CACNA1C: variants seen among roughly 807,000 people sequenced by gnomAD.
The protein encoded by CACNA1C is voltage-dependent L-type calcium channel subunit alpha-1C.
A neutral mutation model predicts 229.0 loss-of-function variants in CACNA1C; 30 were observed. The observed-to-expected ratio is 0.13, with a 90% CI of 0.10 to 0.18. CACNA1C has a LOEUF of 0.18. Ranked by LOEUF, CACNA1C falls within the 10% of genes least tolerant of loss-of-function variation. The pLI is 1.00. For synonymous variants in CACNA1C, 1,114 were observed against 1,132.5 expected, an observed-to-expected ratio of 0.98 and a Z score of 0.33; for missense variants, 1,658 against 2,845.0, an observed-to-expected ratio of 0.58 and a Z score of 9.49.
At chr12:2,094,481 A>G (rs893428616) in intron 1 of CACNA1C, among the ~76,000 whole-genome samples, 2 of 152,124 alleles carry the variant, frequency 1.3e-5, no homozygotes, top group Non-Finnish European at 2.9e-5. Flanking sequence ...TGGGAAGCCT[A>G]TTTCTTTGGC....
At position 2,410,051 on chromosome 12, in the gene CACNA1C, C is replaced by T. The variant is rs994018955; in HGVS notation, c.478-38925C>T. Among the ~76,000 whole-genome samples, 1 of 152,186 alleles carries T rather than the reference C, an allele frequency of 6.6e-6. No homozygotes were observed. On this transcript the variant is annotated intron_variant, in intron 3 of 46. Transcript: ENST00000399655. The surrounding 1 kb of genome is among the most constrained non-coding windows in gnomAD (Gnocchi z 5.3). ...TTCGCTCGGGGTGGGAATGAATCAT[C>T]CTCACCTGCCAGCCGCGGGCCTCAG...
intron 15 of CACNA1C, 31 bp downstream of exon 15, chr12:2,582,973 GGCCCCCA>G (rs769996350): frequency 3.9e-4 from 587 of 1,491,352 alleles, no homozygotes; most frequent in Non-Finnish European, 4.9e-4. Flanking sequence ...CCACCCCTGC[GGCCCCCA>G]GCCCCCAGCC....
intron 3 of CACNA1C, among the ~76,000 whole-genome samples, chr12:2,177,178 C>T (rs913757404): frequency 2.0e-5 from 3 of 152,176 alleles, no homozygotes; most frequent in Admixed American, 6.5e-5. Context: ...CTGTAACTCT[C>T]TCCTATCAAA....
chr12:2,531,398 G>A (rs1440684940), intron 9 of CACNA1C, among the ~76,000 whole-genome samples: 1 of 152,184 alleles, frequency 6.6e-6, no homozygotes, highest in Non-Finnish European at 1.5e-5. Flanking sequence ...AACTGGCCCT[G>A]TAACCTAAAC....
intron 5 of CACNA1C, among the ~76,000 whole-genome samples, chr12:2,460,985 C>T (rs2099497406): frequency 6.6e-6 from 1 of 152,224 alleles, no homozygotes; most frequent in Non-Finnish European, 1.5e-5. Context: ...TCAGCAGTAT[C>T]TCCCCTGACT....
chr12:2,214,345 G>T (rs933315773), intron 3 of CACNA1C, among the ~76,000 whole-genome samples: 5 of 152,136 alleles, frequency 3.3e-5, no homozygotes, highest in African/African-American at 7.2e-5. Flanking sequence ...TTGTAAATAA[G>T]GATAGTAATA....
At chr12:1,972,669 A>G (rs1331048274) in intron 1 of CACNA1C, among the ~76,000 whole-genome samples, 1 of 152,182 alleles carries the variant, frequency 6.6e-6, no homozygotes, top group Admixed American at 6.5e-5. Context: ...CAGCCTTTCA[A>G]ATGAAATACA....
At chr12:2,021,381 TAAAG>T (rs2046415461) in intron 1 of CACNA1C, among the ~76,000 whole-genome samples, 1 of 152,138 alleles carries the variant, frequency 6.6e-6, no homozygotes, top group African/African-American at 2.4e-5. Context: ...GGGTAATTTA[TAAAG>T]ACACTCATTT....
intron 1 of CACNA1C, among the ~76,000 whole-genome samples, chr12:1,977,371 T>G (rs2154461850): frequency 6.6e-6 from 1 of 152,296 alleles, no homozygotes; most frequent in East Asian, 1.9e-4. Flanking sequence ...CAGGAAGACA[T>G]TTTGGAAAGC....
chr12:2,295,603 T>C (rs1276376546), intron 3 of CACNA1C, among the ~76,000 whole-genome samples: 1 of 152,222 alleles, frequency 6.6e-6, no homozygotes, highest in African/African-American at 2.4e-5. Flanking sequence ...GCCAAATAAA[T>C]GCTAAGTAGT....
intron 3 of CACNA1C, among the ~76,000 whole-genome samples, chr12:2,125,201 T>C (rs1260773418): frequency 6.6e-6 from 1 of 152,084 alleles, no homozygotes; most frequent in African/African-American, 2.4e-5. Flanking sequence ...GAGTTTAAGA[T>C]ATTCAAGAGG....
chr12:2,185,070 T>C (rs1356153549), intron 3 of CACNA1C, among the ~76,000 whole-genome samples: 1 of 152,090 alleles, frequency 6.6e-6, no homozygotes, highest in Admixed American at 6.5e-5. Flanking sequence ...CAGCTGTAGT[T>C]CATTCACCAT....
intron 3 of CACNA1C, among the ~76,000 whole-genome samples, chr12:2,195,860 T>G (rs1471889231): frequency 6.6e-6 from 1 of 152,206 alleles, no homozygotes; most frequent in Non-Finnish European, 1.5e-5. Flanking sequence ...GACCACTTAG[T>G]CCACTCCTTC....
intron 22 of CACNA1C, among the ~76,000 whole-genome samples, chr12:2,603,029 AAG>A (rs2073527952): frequency 6.6e-6 from 1 of 152,124 alleles, no homozygotes; most frequent in Non-Finnish European, 1.5e-5. Context: ...CTCTCCTCCC[AAG>A]AGTGTTTTCA....
At chr12:2,304,294 G>T (rs1413908306) in intron 3 of CACNA1C, among the ~76,000 whole-genome samples, 1 of 152,172 alleles carries the variant, frequency 6.6e-6, no homozygotes. Flanking sequence ...AAAGCTGGAG[G>T]GCGGTCCAGC....
chr12:1,982,849 A>G (rs117202289), intron 1 of CACNA1C, among the ~76,000 whole-genome samples: 4,138 of 152,276 alleles, frequency 0.027, 93 homozygotes, highest in Middle Eastern at 0.054. Context: ...AAGAGATTGT[A>G]TAGAATTGGT....
At chr12:2,524,480 T>C (rs535872330) in intron 9 of CACNA1C, among the ~76,000 whole-genome samples, 1 of 152,238 alleles carries the variant, frequency 6.6e-6, no homozygotes, top group Non-Finnish European at 1.5e-5. Context: ...TTCATGAAGG[T>C]GCCATGTCAG....
At chr12:2,090,284 TA>T (rs2070094051) in intron 1 of CACNA1C, among the ~76,000 whole-genome samples, 1 of 149,314 alleles carries the variant, frequency 6.7e-6, no homozygotes, top group Admixed American at 6.7e-5. Context: ...AAAGGCTGAA[TA>T]ATAGTCCATT....
chr12:1,988,668 C>A (rs1345543759), intron 1 of CACNA1C, among the ~76,000 whole-genome samples: 1 of 152,174 alleles, frequency 6.6e-6, no homozygotes, highest in African/African-American at 2.4e-5. Context: ...TTCAGGAAAA[C>A]TAGGAGTGTG....
Sources: allele counts gnomAD v4.1 joint callset (sites outside exome capture counted in the v4.1 genomes callset), GRCh38; gene constraint gnomAD v4.1.1; non-coding constraint Gnocchi (gnomAD v3.1); transcripts MANE v1.5; gene names NCBI Gene and HGNC (gene_info 2026-07-23, HGNC 2026-07-21).